The following PCDHGA5 variants were observed in gnomAD, a reference collection of about 807,000 sequenced individuals.
PCDHGA5 encodes protocadherin gamma subfamily A, 5, also known as protocadherin gamma-A5.
PCDHGA5 carries 36 observed loss-of-function variants against 56.7 expected under a neutral mutation model. That is an observed-to-expected ratio of 0.64 (90% confidence interval 0.49 to 0.84). The LOEUF is 0.84. PCDHGA5 is among the 40% of genes least tolerant of loss of function. The probability of loss-of-function intolerance (pLI) is 0.00; values close to 1 mark genes in which losing one functional copy is unlikely to be tolerated. For synonymous variants in PCDHGA5, 563 were observed against 520.2 expected (o/e 1.08, Z -1.12); for missense variants, 1,305 against 1,201.5 (o/e 1.09, Z -1.27).
chr5:141,479,562 T>G (rs1176956064), intron 1 of PCDHGA5: 2 of 152,218 alleles, frequency 1.3e-5, no homozygotes, highest in Non-Finnish European at 2.9e-5. Flanking sequence ...TATCCAGTAG[T>G]GGGATGACAT....
At chr5:141,422,898 C>CTCTG (rs747261683) in intron 1 of PCDHGA5, 4 of 1,614,250 alleles carry the variant, frequency 2.5e-6, no homozygotes, top group Non-Finnish European at 3.4e-6. Flanking sequence ...TGGACCAGAA[C>CTCTG]GACAATGCGC....
intron 2 of PCDHGA5, among the ~76,000 whole-genome samples, chr5:141,499,576 G>C (rs2099792836): frequency 1.3e-5 from 2 of 151,790 alleles, no homozygotes; most frequent in Non-Finnish European, 2.9e-5. Context: ...TTCAACTAAT[G>C]CCTTATCTTG....
intron 1 of PCDHGA5, among the ~76,000 whole-genome samples, chr5:141,438,564 T>A (rs1192918137): frequency 1.5e-5 from 2 of 137,114 alleles, no homozygotes; most frequent in Non-Finnish European, 3.1e-5. Flanking sequence ...AAGAGGCAGC[T>A]GTCTGATATA....
At chr5:141,384,579 C>T (rs746315101) in intron 1 of PCDHGA5, 13 of 1,614,128 alleles carry the variant, frequency 8.1e-6, no homozygotes, top group African/African-American at 8.0e-5. Flanking sequence ...ACAACCCGCC[C>T]GAGATCCTGT....
intron 1 of PCDHGA5, among the ~76,000 whole-genome samples, chr5:141,425,159 G>C (rs557552439): frequency 6.6e-6 from 1 of 152,126 alleles, no homozygotes; most frequent in South Asian, 2.1e-4. Context: ...AGCATCTAGG[G>C]ATAGGATTTA....
chr5:141,413,358 G>C, intron 1 of PCDHGA5: 1 of 1,613,972 alleles, frequency 6.2e-7, no homozygotes, highest in Non-Finnish European at 8.5e-7. Flanking sequence ...TGGCGCCCCG[G>C]GAGCTGGCGG....
rs757019379 is a variant in PCDHGA5 at position 141,390,006 on chromosome 5, G to T, written c.2421+23255G>T. 4.5e-5 allele frequency: 73 copies of T among 1,613,888 alleles called. No individual in the cohort carries two copies. Among genetic ancestry groups the T allele is most frequent in the Admixed American group, 1.7e-5 (1 of 60,004 alleles). ...GCTCTTCCTCGTGGCCATGATTCTG[G>T]CCATTGCCTTGCGCCTGCGACGCTC... On this transcript the variant is annotated intron_variant, in intron 1 of 3. Transcript: ENST00000518069.
At chr5:141,383,425 C>T in intron 1 of PCDHGA5, 1 of 1,613,980 alleles carries the variant, frequency 6.2e-7, no homozygotes, top group Non-Finnish European at 8.5e-7. Context: ...CAGCCCCAAT[C>T]GCCACTTCTC....
At chr5:141,404,875 C>A in intron 1 of PCDHGA5, 1 of 1,613,904 alleles carries the variant, frequency 6.2e-7, no homozygotes, top group Non-Finnish European at 8.5e-7. Context: ...TCAAACAGAG[C>A]CTTGTGGTGG....
chr5:141,409,102 G>T, intron 1 of PCDHGA5: 2 of 1,613,996 alleles, frequency 1.2e-6, no homozygotes, highest in Non-Finnish European at 8.5e-7. Flanking sequence ...AAACAGGTAT[G>T]ATTAAGAATA....
rs780024608 is a variant in PCDHGA5, at chr5:141,376,291, C to T, written c.2421+9540C>T. Reference sequence around the variant, plus strand: ...CGGGAGGTGGCTTAGCGAGCATGCCCGGCTCGCACTTTGTGGGCGTGGAAG... The same window carrying T: ...CGGGAGGTGGCTTAGCGAGCATGCCTGGCTCGCACTTTGTGGGCGTGGAAG... On this transcript the variant is annotated intron_variant, in intron 1 of 3. Coordinates refer to ENST00000518069, the MANE Select transcript of PCDHGA5 (RefSeq NM_018918.3). 8 of 1,614,158 alleles carry T rather than the reference C, an allele frequency of 5.0e-6. No homozygotes were observed. The East Asian group carries it at 6.7e-5, about 13-fold the overall frequency.
intron 3 of PCDHGA5, among the ~76,000 whole-genome samples, chr5:141,509,539 A>G (rs749824780): frequency 1.3e-5 from 2 of 152,160 alleles, no homozygotes; most frequent in East Asian, 1.9e-4. Context: ...ATGAAGCACC[A>G]TCTCATTTAG....
Position 141,415,174 on chromosome 5 carries a change from G to C in PCDHGA5, c.2421+48423G>C, listed in dbSNP as rs1368688199. ...CTCCGCCACTGTCACGCTCACCGTG[G>C]CCGTGGCCGACAGCATCCCCCAAGT... On this transcript the variant is annotated intron_variant, in intron 1 of 3. Transcript: ENST00000518069. 4 of 1,613,784 alleles carry C rather than the reference G, an allele frequency of 2.5e-6. No homozygotes were observed. The African/African-American group carries it at 4.0e-5, about 16-fold the overall frequency.
chr5:141,490,180 C>T lies in PCDHGA5; in HGVS notation c.2422-4627C>T, dbSNP rs747366205. On this transcript the variant is annotated intron_variant, in intron 1 of 3. Coordinates refer to ENST00000518069, the MANE Select transcript of PCDHGA5 (RefSeq NM_018918.3). This position sits in a 1 kb window ranked among gnomAD's most constrained non-coding sequence, Gnocchi z 5.4. ...GGGTCCCATAGACTTTGAGGAGTCACGTTTCTATGAAATTCATGCAAGAGC... is the reference window on the plus strand; with the variant it reads ...GGGTCCCATAGACTTTGAGGAGTCATGTTTCTATGAAATTCATGCAAGAGC... 3 of 1,614,208 alleles carry T rather than the reference C, an allele frequency of 1.9e-6. No individual in the cohort carries two copies. Among genetic ancestry groups the T allele is most frequent in the East Asian group, 2.2e-5 (1 of 44,882 alleles).
At chr5:141,399,564 G>C (rs1284243936) in intron 1 of PCDHGA5, 3 of 1,614,038 alleles carry the variant, frequency 1.9e-6, no homozygotes, top group East Asian at 4.5e-5. Flanking sequence ...ACTTGGGGTT[G>C]AACGGCCAAG....
intron 1 of PCDHGA5, 44 bp downstream of exon 1, chr5:141,366,795 T>A (rs1054610187): frequency 3.2e-6 from 5 of 1,567,382 alleles, no homozygotes; most frequent in Non-Finnish European, 4.3e-6. Flanking sequence ...CATTTTCATT[T>A]GTTTCCTTTT....
At chr5:141,367,387 A>C (rs1765092239) in intron 1 of PCDHGA5, 1 of 152,180 alleles carries the variant, frequency 6.6e-6, no homozygotes, top group African/African-American at 2.4e-5. Flanking sequence ...AATACAAAAA[A>C]TTAGCCGGGC....
chr5:141,371,458 A>G, intron 1 of PCDHGA5: 2 of 1,613,996 alleles, frequency 1.2e-6, no homozygotes. Flanking sequence ...GAATCCCAAC[A>G]TATACAAGAA....
rs538677777 is a variant in PCDHGA5 at position 141,365,297 on chromosome 5, G to T, written c.967G>T (p.Asp323Tyr). ...CTACCTCATGGAAGTGGTAGCTCAG[G>T]ATGGAGGCGCTCTTGTTGCCAGCGC... ...RFYLMEVVAQ[D>Y]GGALVASAKV... The change falls in exon 1 of 4, where the codon GAT becomes TAT. Residue 323 changes from aspartate to tyrosine, a missense_variant. Physicochemically the swap from Asp to Tyr is radical, Grantham distance 160. Coordinates refer to ENST00000518069, the MANE Select transcript of PCDHGA5 (RefSeq NM_018918.3). 6.2e-7 allele frequency: 1 copy of T among 1,613,896 alleles called. No homozygotes were observed. The highest frequency in any genetic ancestry group is 8.5e-7 in the Non-Finnish European group (1 of 1,179,912).
Sources: allele counts gnomAD v4.1 joint callset (sites outside exome capture counted in the v4.1 genomes callset), GRCh38; gene constraint gnomAD v4.1.1; non-coding constraint Gnocchi (gnomAD v3.1); transcripts MANE v1.5; gene names NCBI Gene and HGNC (gene_info 2026-07-23, HGNC 2026-07-21).